THSD4: variants seen among roughly 807,000 people sequenced by gnomAD.
THSD4 encodes the protein thrombospondin type 1 domain containing 4.
THSD4 carries 69 observed loss-of-function variants against 119.0 expected under a neutral mutation model. The ratio of observed to expected loss-of-function variants is 0.58; its 90% CI spans 0.48 to 0.71. The LOEUF (loss-of-function observed/expected upper bound fraction) is 0.71. THSD4 is among the 30% of genes least tolerant of loss of function. The pLI is 0.00. For missense variants in THSD4, 1,393 were observed against 1,391.1 expected (o/e 1.00, Z -0.02); for synonymous variants, 524 against 540.4 (o/e 0.97, Z 0.42).
At chr15:71,686,866 G>A (rs921537694) in intron 8 of THSD4, among the ~76,000 whole-genome samples, 1 of 152,196 alleles carries the variant, frequency 6.6e-6, no homozygotes, top group Non-Finnish European at 1.5e-5. Context: ...ACAAAAGCAG[G>A]TGGCAGGCCA....
upstream of THSD4, among the ~76,000 whole-genome samples, chr15:71,113,119 G>T (rs1392431025): frequency 6.6e-6 from 1 of 152,252 alleles, no homozygotes; most frequent in East Asian, 1.9e-4. Context: ...AGCCCAGGAG[G>T]TGGAGCCTGC....
intron 7 of THSD4, among the ~76,000 whole-genome samples, chr15:71,457,172 A>G (rs955476655): frequency 6.6e-6 from 1 of 152,130 alleles, no homozygotes; most frequent in Non-Finnish European, 1.5e-5. Context: ...CTCTGAGCTC[A>G]GGAGTTCAAG....
rs779207517 is a variant in THSD4, at chr15:71,277,128, C to CTTTTTTTTTTTTTTTTTT, written c.1015+20427_1015+20428insTTTTTTTTTTTTTTTTTT. 4.4e-3 allele frequency among the ~76,000 whole-genome samples: 537 copies of CTTTTTTTTTTTTTTTTTT among 122,844 alleles called. 22 individuals carry two copies. The highest frequency in any genetic ancestry group is 0.011 in the African/African-American group (335 of 29,682). 80.6% of individuals were successfully genotyped at this position (122,844 alleles called of 152,430 possible). On this transcript the variant is annotated intron_variant, in intron 6 of 17. Coordinates refer to ENST00000261862, the MANE Select transcript of THSD4 (RefSeq NM_024817.3). Reference sequence around the variant, plus strand: ...TATTTGTATTTGAATTCTTCTTCTTCTTTTTTTTTTTTTTGAAACGGAGTT... The same window carrying CTTTTTTTTTTTTTTTTTT: ...TATTTGTATTTGAATTCTTCTTCTTCTTTTTTTTTTTTTTTTTTTTTTTTTTTTTTTTGAAACGGAGTT...
At chr15:71,556,396 T>C (rs574248080) in intron 7 of THSD4, among the ~76,000 whole-genome samples, 2 of 152,144 alleles carry the variant, frequency 1.3e-5, no homozygotes, top group Non-Finnish European at 2.9e-5. Context: ...ATTTTTATTA[T>C]AAATTATGTG....
chr15:71,756,685 G>A (rs1279963533), intron 14 of THSD4, among the ~76,000 whole-genome samples: 3 of 152,280 alleles, frequency 2.0e-5, no homozygotes, highest in East Asian at 3.9e-4. Flanking sequence ...GGCTGAGGTG[G>A]GAGGATCACT....
At position 71,731,204 on chromosome 15, in the gene THSD4, C is replaced by T; in HGVS notation, c.1617C>T (p.Pro539=). The change falls in exon 10 of 18, where the codon CCC becomes CCT. Residue 539 remains proline, a synonymous_variant. Transcript: ENST00000261862. ...GTNAISPQVP[P]HRRPGEPFNG... ...ACGCCATCAGCCCCCAGGTGCCACCCCACAGGAGACCAGGTAGAATCCCTT... is the reference window on the plus strand; with the variant it reads ...ACGCCATCAGCCCCCAGGTGCCACCTCACAGGAGACCAGGTAGAATCCCTT... 1 of 1,614,114 alleles carries T rather than the reference C, an allele frequency of 6.2e-7. No homozygotes were observed. The highest frequency in any genetic ancestry group is 8.5e-7 in the Non-Finnish European group (1 of 1,179,988).
chr15:71,617,959 C>A (rs963465138), intron 7 of THSD4, among the ~76,000 whole-genome samples: 8 of 152,180 alleles, frequency 5.3e-5, no homozygotes, highest in African/African-American at 9.7e-5. Context: ...CCAATTCCCC[C>A]CTGGCTGGCA....
At chr15:71,373,826 C>T (rs1214921429) in intron 6 of THSD4, among the ~76,000 whole-genome samples, 2 of 152,144 alleles carry the variant, frequency 1.3e-5, no homozygotes, top group Admixed American at 6.6e-5. Context: ...ACAGTGTTCC[C>T]GTTGAGAGTG....
chr15:71,740,445 G>A (rs186912318), intron 11 of THSD4, among the ~76,000 whole-genome samples: 141 of 152,288 alleles, frequency 9.3e-4, no homozygotes, highest in African/African-American at 3.3e-3. Flanking sequence ...GTCATAAAAA[G>A]GATGAAAGCT....
intron 7 of THSD4, among the ~76,000 whole-genome samples, chr15:71,470,308 A>G (rs913026210): frequency 1.3e-5 from 2 of 152,194 alleles, no homozygotes; most frequent in Non-Finnish European, 2.9e-5. Context: ...TCCCTACCTG[A>G]GGGAACCAAT....
intron 8 of THSD4, among the ~76,000 whole-genome samples, chr15:71,682,737 C>A (rs1362259072): frequency 1.3e-5 from 2 of 151,954 alleles, no homozygotes; most frequent in Non-Finnish European, 2.9e-5. Flanking sequence ...CACATACTTA[C>A]CATTTATTGT....
intron 7 of THSD4, among the ~76,000 whole-genome samples, chr15:71,640,542 G>T (rs2050836996): frequency 6.6e-6 from 1 of 152,114 alleles, no homozygotes. Flanking sequence ...TGACCCACAT[G>T]ACTCCTTCAG....
intron 6 of THSD4, among the ~76,000 whole-genome samples, chr15:71,288,197 A>G (rs1462659731): frequency 2.0e-5 from 3 of 152,224 alleles, no homozygotes; most frequent in Non-Finnish European, 4.4e-5. Context: ...GAACCAGTCC[A>G]CAGTAAACAC....
At chr15:71,678,965 T>A (rs2038471144) in intron 8 of THSD4, among the ~76,000 whole-genome samples, 1 of 152,250 alleles carries the variant, frequency 6.6e-6, no homozygotes. Context: ...TTTCCCTTTA[T>A]TATCTAGTGT....
intron 8 of THSD4, among the ~76,000 whole-genome samples, chr15:71,728,235 C>T (rs55946443): frequency 3.0e-3 from 459 of 152,322 alleles, no homozygotes; most frequent in African/African-American, 0.01. Flanking sequence ...TCCCTTCCCC[C>T]CTTTTTTCTC....
intron 8 of THSD4, among the ~76,000 whole-genome samples, chr15:71,726,725 G>T (rs1036381756): frequency 6.6e-6 from 1 of 151,944 alleles, no homozygotes; most frequent in Non-Finnish European, 1.5e-5. Context: ...ATCATCTGAG[G>T]TCAGGAGTTC....
At chr15:71,632,790 T>C (rs932106526) in intron 7 of THSD4, among the ~76,000 whole-genome samples, 3 of 152,238 alleles carry the variant, frequency 2.0e-5, no homozygotes, top group African/African-American at 7.2e-5. Flanking sequence ...GTCTTGTTTA[T>C]TTACATTAAT....
intron 4 of THSD4, among the ~76,000 whole-genome samples, chr15:71,234,752 T>C (rs747613009): frequency 1.3e-5 from 2 of 152,222 alleles, no homozygotes; most frequent in Non-Finnish European, 2.9e-5. Context: ...AAAGAAACCT[T>C]TTCCCTCCTC....
chr15:71,459,338 G>GTCTCTC (rs201750297), intron 7 of THSD4, among the ~76,000 whole-genome samples: 13 of 131,562 alleles, frequency 9.9e-5, no homozygotes, highest in Middle Eastern at 4.0e-3. Flanking sequence ...CTCTCTCTCT[G>GTCTCTC]TCTCTCTGTC....
Sources: allele counts gnomAD v4.1 joint callset (sites outside exome capture counted in the v4.1 genomes callset), GRCh38; gene constraint gnomAD v4.1.1; transcripts MANE v1.5; gene names NCBI Gene and HGNC (gene_info 2026-07-23, HGNC 2026-07-21).